SHISA9: variants seen among roughly 807,000 people sequenced by gnomAD.
SHISA9 encodes the protein protein shisa-9.
A neutral mutation model predicts 38.0 loss-of-function variants in SHISA9; 13 were observed. That is an observed-to-expected ratio of 0.34 (90% CI 0.22 to 0.54). The LOEUF (loss-of-function observed/expected upper bound fraction) is 0.54. Ranked by LOEUF, SHISA9 falls within the 20% of genes least tolerant of loss-of-function variation. The pLI is 0.91. For synonymous variants in SHISA9, 275 were observed against 242.0 expected, an observed-to-expected ratio of 1.14 and a Z score of -1.27; for missense variants, 538 against 575.8, an observed-to-expected ratio of 0.93 and a Z score of 0.67.
intron 2 of SHISA9, among the ~76,000 whole-genome samples, chr16:13,025,510 C>G (rs1367311569): frequency 1.3e-5 from 2 of 152,294 alleles, no homozygotes; most frequent in East Asian, 3.9e-4. Context: ...CTCTGTCCCA[C>G]CTCTAGAGGT....
Position 13,005,887 on chromosome 16 carries a change from A to G in SHISA9, c.691+89072A>G, listed in dbSNP as rs572465599. On this transcript the variant is annotated intron_variant, in intron 2 of 4. Transcript: ENST00000558583. Reference sequence around the variant, plus strand: ...CTGTTTAGAAAGGCGTTGCTGCCACATGGCGGTTCTTGGGTGACCTCGGCA... The same window carrying G: ...CTGTTTAGAAAGGCGTTGCTGCCACGTGGCGGTTCTTGGGTGACCTCGGCA... Among the ~76,000 whole-genome samples the G allele has an allele frequency of 2.5e-3, 380 of 152,312 alleles. 1 individual carries two copies. Among genetic ancestry groups the G allele is most frequent in the African/African-American group, 8.5e-3 (354 of 41,574 alleles).
At chr16:13,183,647 A>G (rs1047213634) in intron 2 of SHISA9, among the ~76,000 whole-genome samples, 7 of 152,220 alleles carry the variant, frequency 4.6e-5, no homozygotes, top group South Asian at 4.1e-4. Context: ...TTCCACAACT[A>G]TGTTTTCCTT....
chr16:13,428,065 T>G, the SHISA9 span, among the ~76,000 whole-genome samples: 1 of 152,206 alleles, frequency 6.6e-6, no homozygotes, highest in East Asian at 1.9e-4. Flanking sequence ...TTTTCTAGGT[T>G]GAATTTGTCA....
chr16:13,126,848 G>A (rs912784524), intron 2 of SHISA9, among the ~76,000 whole-genome samples: 3 of 124,818 alleles, frequency 2.4e-5, no homozygotes, highest in Non-Finnish European at 5.0e-5. Flanking sequence ...AGAGACTGAG[G>A]GAAAGAAAGA....
At chr16:13,379,433 G>A in the SHISA9 span, among the ~76,000 whole-genome samples, 1 of 152,134 alleles carries the variant, frequency 6.6e-6, no homozygotes, top group East Asian at 1.9e-4. Context: ...CGAAGAAGGA[G>A]CAACTCCCAG....
chr16:13,430,214 G>A, the SHISA9 span, among the ~76,000 whole-genome samples: 116 of 152,338 alleles, frequency 7.6e-4, no homozygotes, highest in African/African-American at 2.6e-3. Context: ...CCCAGTCTGT[G>A]ATACTTTCTT....
At chr16:13,170,184 CAG>C in intron 2 of SHISA9, among the ~76,000 whole-genome samples, 1 of 116,922 alleles carries the variant, frequency 8.6e-6, no homozygotes, top group South Asian at 2.7e-4. Context: ...GCCTGGGCAA[CAG>C]AGTGAGACTC....
intron 2 of SHISA9, among the ~76,000 whole-genome samples, chr16:13,000,672 C>G (rs2072512495): frequency 6.6e-6 from 1 of 152,078 alleles, no homozygotes; most frequent in Non-Finnish European, 1.5e-5. Flanking sequence ...ACAGTGTCTG[C>G]TAGGAGGGCT....
the SHISA9 span, among the ~76,000 whole-genome samples, chr16:13,486,809 A>G: frequency 1.3e-5 from 2 of 152,194 alleles, no homozygotes; most frequent in Non-Finnish European, 2.9e-5. Context: ...GGTTCAAGTG[A>G]TTCTCCTGCC....
chr16:13,361,617 A>G, the SHISA9 span, among the ~76,000 whole-genome samples: 4 of 152,228 alleles, frequency 2.6e-5, no homozygotes, highest in African/African-American at 2.4e-5. Flanking sequence ...GAGTGAGTTC[A>G]TGGGGACTAA....
chr16:13,425,217 C>T, the SHISA9 span, among the ~76,000 whole-genome samples: 34 of 151,638 alleles, frequency 2.2e-4, no homozygotes, highest in African/African-American at 7.7e-4. Flanking sequence ...GGAGGGGCTG[C>T]GTGCGGTGGC....
At chr16:13,257,216 A>G in the SHISA9 span, among the ~76,000 whole-genome samples, 1 of 152,190 alleles carries the variant, frequency 6.6e-6, no homozygotes, top group Non-Finnish European at 1.5e-5. Flanking sequence ...TCTTTCTAGC[A>G]CTGTTGCTAC....
chr16:13,418,893 A>C, the SHISA9 span, among the ~76,000 whole-genome samples: 1 of 152,200 alleles, frequency 6.6e-6, no homozygotes. Context: ...AGCACATTGC[A>C]CCTTCCTTAG....
the SHISA9 span, among the ~76,000 whole-genome samples, chr16:13,421,374 G>A: frequency 6.6e-6 from 1 of 152,142 alleles, no homozygotes; most frequent in African/African-American, 2.4e-5. Flanking sequence ...CAGAATCATG[G>A]CAGGAGGTGA....
the SHISA9 span, among the ~76,000 whole-genome samples, chr16:13,356,987 T>G: frequency 6.6e-6 from 1 of 152,132 alleles, no homozygotes. Flanking sequence ...GTTTTAAGTT[T>G]TTGAGAACAC....
rs565738837 is a variant in SHISA9 at position 12,944,781 on chromosome 16, A to G, written c.691+27966A>G. ...AAACGTAGGAATTTTTTTCAGTATC[A>G]GTATCCTGTGGAGCTGCCTTGGTTT... On this transcript the variant is annotated intron_variant, in intron 2 of 4. Transcript: ENST00000558583. 3.9e-5 allele frequency among the ~76,000 whole-genome samples: 6 copies of G among 152,276 alleles called. No homozygotes were observed. In the East Asian group the frequency reaches 1.2e-3, roughly 29 times the overall value.
the SHISA9 span, among the ~76,000 whole-genome samples, chr16:13,396,272 C>T: frequency 1.4e-3 from 206 of 152,254 alleles, no homozygotes; most frequent in African/African-American, 4.7e-3. Flanking sequence ...TTTGGGAGGC[C>T]GAGGCCGGCG....
chr16:13,274,420 T>C, the SHISA9 span, among the ~76,000 whole-genome samples: 2 of 152,308 alleles, frequency 1.3e-5, no homozygotes, highest in African/African-American at 4.8e-5. Context: ...AATACAACTC[T>C]TGAAAAAAAT....
intron 4 of SHISA9, among the ~76,000 whole-genome samples, chr16:13,230,984 A>G (rs2051326531): frequency 6.6e-6 from 1 of 152,136 alleles, no homozygotes; most frequent in Non-Finnish European, 1.5e-5. Flanking sequence ...TCTTTACTGC[A>G]ACCTGTTTTT....
Sources: allele counts gnomAD v4.1 joint callset (sites outside exome capture counted in the v4.1 genomes callset), GRCh38; gene constraint gnomAD v4.1.1; transcripts MANE v1.5; gene names NCBI Gene and HGNC (gene_info 2026-07-23, HGNC 2026-07-21).